TMIGD3: variants seen among roughly 807,000 people sequenced by gnomAD.
TMIGD3 encodes the protein transmembrane and immunoglobulin domain containing 3, also known as AD026 protein (AD026).
A neutral mutation model predicts 28.1 loss-of-function variants in TMIGD3; 21 were observed. The ratio of observed to expected loss-of-function variants is 0.75; its 90% CI spans 0.53 to 1.08. The LOEUF is 1.08. Ranked by LOEUF, TMIGD3 falls within the 50% of genes least tolerant of loss-of-function variation. The probability of loss-of-function intolerance (pLI) is 0.00; values close to 1 mark genes in which losing one functional copy is unlikely to be tolerated. For missense variants in TMIGD3, 416 were observed against 435.6 expected (o/e 0.96, Z 0.40); for synonymous variants, 151 against 162.1 (o/e 0.93, Z 0.52).
At chr1:111,552,240 A>G (rs1412855427) in intron 1 of TMIGD3, among the ~76,000 whole-genome samples, 1 of 152,220 alleles carries the variant, frequency 6.6e-6, no homozygotes, top group East Asian at 1.9e-4. Context: ...TTTCCAAATG[A>G]CGACATTCAT....
upstream of TMIGD3, among the ~76,000 whole-genome samples, chr1:111,505,503 C>T (rs906541578): frequency 2.6e-5 from 4 of 152,186 alleles, no homozygotes; most frequent in Non-Finnish European, 5.9e-5. Context: ...AGACAAGGTC[C>T]ATCAGTGCTG....
intron 1 of TMIGD3, among the ~76,000 whole-genome samples, chr1:111,525,491 C>T (rs1656231976): frequency 6.6e-6 from 1 of 152,174 alleles, no homozygotes; most frequent in East Asian, 1.9e-4. Context: ...ACCTCTGCAA[C>T]TTTCTGTTGA....
rs191391420 is a variant in TMIGD3 at position 111,519,080 on chromosome 1, A to T, written c.108-28318T>A. On this transcript the variant is annotated intron_variant, in intron 1 of 5. Coordinates refer to the TMIGD3 transcript ENST00000369717. ...CATCCTCCCAAGTAGCTTGGATTAC[A>T]GGTGCCTGCCACCACGCCTGGCTAA... is the stretch of plus-strand genomic sequence containing the variant. Among the ~76,000 whole-genome samples the T allele has an allele frequency of 1.5e-3, 224 of 152,284 alleles. 6 individuals are homozygous for T. The East Asian group carries it at 0.032, about 22-fold the overall frequency.
At chr1:111,489,881 A>G (rs565659426) in intron 2 of TMIGD3, among the ~76,000 whole-genome samples, 1 of 152,154 alleles carries the variant, frequency 6.6e-6, no homozygotes, top group Admixed American at 6.5e-5. Flanking sequence ...CACGCACACC[A>G]TGTCCAGCTT....
chr1:111,502,800 G>A (rs968624173), intron 1 of TMIGD3, among the ~76,000 whole-genome samples: 6 of 151,940 alleles, frequency 3.9e-5, no homozygotes, highest in Non-Finnish European at 5.9e-5. Context: ...GAAAGGATTG[G>A]AGCATTCCTC....
At chr1:111,513,022 A>T (rs1030660996) in intron 1 of TMIGD3, among the ~76,000 whole-genome samples, 2 of 152,104 alleles carry the variant, frequency 1.3e-5, no homozygotes, top group Non-Finnish European at 2.9e-5. Context: ...TGCTGGGTGG[A>T]CTTTGCGAAC....
intron 1 of TMIGD3, among the ~76,000 whole-genome samples, chr1:111,555,044 C>T (rs2800901): frequency 0.24 from 36,499 of 151,362 alleles, 8,288 homozygotes; most frequent in African/African-American, 0.57. Context: ...TAATTGAAAA[C>T]AGGAGAAAAG....
chr1:111,485,866 T>C, intron 4 of TMIGD3, 26 bp from the exon 5 acceptor site: 2 of 1,572,996 alleles, frequency 1.3e-6, no homozygotes, highest in East Asian at 2.2e-5. Context: ...GCAGATTTCA[T>C]GTTGCTTGGA....
At chr1:111,561,582 A>G (rs1657738085) in intron 1 of TMIGD3, among the ~76,000 whole-genome samples, 1 of 152,212 alleles carries the variant, frequency 6.6e-6, no homozygotes, top group Admixed American at 6.5e-5. Flanking sequence ...TCAAGGCCAC[A>G]TGGTCAGGTC....
intron 5 of TMIGD3, 102 bp from the exon 6 acceptor site, chr1:111,483,859 A>T: frequency 1.2e-6 from 1 of 859,796 alleles, no homozygotes; most frequent in Non-Finnish European, 1.9e-6. Flanking sequence ...TGGGGCTTTC[A>T]TGGGGACTAA....
intron 1 of TMIGD3, chr1:111,501,158 TA>T (rs928680005): frequency 3.9e-5 from 6 of 152,832 alleles, no homozygotes; most frequent in Non-Finnish European, 7.3e-5. Flanking sequence ...CAGATTCTCA[TA>T]AATTATACTA....
At chr1:111,489,789 G>C (rs1203959376) in intron 2 of TMIGD3, 1 of 995,122 alleles carries the variant, frequency 1.0e-6, no homozygotes, top group African/African-American at 1.8e-5. Flanking sequence ...TCTGTCTTTA[G>C]GGGATAAGAA....
At chr1:111,515,136 A>C (rs1655815302) in intron 1 of TMIGD3, among the ~76,000 whole-genome samples, 1 of 152,198 alleles carries the variant, frequency 6.6e-6, no homozygotes, top group Non-Finnish European at 1.5e-5. Context: ...TAGAATCCTG[A>C]ATTCAACAGA....
intron 4 of TMIGD3, among the ~76,000 whole-genome samples, chr1:111,486,344 T>C (rs1379186350): frequency 6.6e-6 from 1 of 152,120 alleles, no homozygotes; most frequent in African/African-American, 2.4e-5. Flanking sequence ...AATGTCCCCT[T>C]TTAATTAAAA....
chr1:111,495,271 G>A (rs575918754), intron 1 of TMIGD3, among the ~76,000 whole-genome samples: 1 of 151,988 alleles, frequency 6.6e-6, no homozygotes, highest in East Asian at 1.9e-4. Context: ...AAATTTACAA[G>A]AAAAAAACAA....
chr1:111,543,145 G>A (rs1370574723), intron 1 of TMIGD3, among the ~76,000 whole-genome samples: 1 of 152,148 alleles, frequency 6.6e-6, no homozygotes, highest in African/African-American at 2.4e-5. Flanking sequence ...CACACACACA[G>A]CGCAGGTGAC....
intron 1 of TMIGD3, among the ~76,000 whole-genome samples, chr1:111,563,277 AAAATAAATAAAT>A (rs373749625): frequency 4.6e-5 from 7 of 151,744 alleles, no homozygotes; most frequent in Non-Finnish European, 1.5e-5. Flanking sequence ...TCCTGTCTCA[AAAATAAATAAAT>A]AAATAAATAA....
At chr1:111,517,378 G>T (rs531717490) in intron 1 of TMIGD3, among the ~76,000 whole-genome samples, 2 of 150,158 alleles carry the variant, frequency 1.3e-5, no homozygotes, top group Admixed American at 1.3e-4. Context: ...ATTGCATCCT[G>T]CTGTCTAGAT....
Position 111,497,907 on chromosome 1 carries a change from G to A in TMIGD3, c.350+5098C>T, listed in dbSNP as rs550181237. On this transcript the variant is annotated intron_variant, in intron 1 of 5. Transcript: ENST00000369716. The stretch of plus-strand genomic sequence containing the variant: ...TTTGTAAATTAAGAAGCATGGTGCG[G>A]GGATTACCAGGAGACTGAGGGCAGC... Among the ~76,000 whole-genome samples, 166 of 152,274 alleles carry A rather than the reference G, an allele frequency of 1.1e-3. 1 individual carries two copies. Among genetic ancestry groups the A allele is most frequent in the African/African-American group, 3.8e-3 (159 of 41,550 alleles).
Sources: gnomAD v4.1 joint callset for allele counts (sites outside exome capture counted in the v4.1 genomes callset) on GRCh38, gnomAD v4.1.1 for gene constraint, MANE v1.5 for transcripts, NCBI Gene and HGNC (gene_info 2026-07-23, HGNC 2026-07-21) for gene names.